Variants in ANKRD30B observed in about 807,000 individuals in gnomAD.
The protein encoded by ANKRD30B is ankyrin repeat domain 30B.
ANKRD30B carries 144 observed loss-of-function variants against 202.2 expected under a neutral mutation model. That is an observed-to-expected ratio of 0.71 (90% confidence interval 0.62 to 0.82). The LOEUF is 0.82. ANKRD30B is among the 40% of genes least tolerant of loss of function. The pLI, the probability that ANKRD30B is intolerant of heterozygous loss-of-function variation, is 0.00. For missense variants in ANKRD30B, 1,487 were observed against 1,669.1 expected (o/e 0.89, Z 1.90); for synonymous variants, 508 against 561.3 (o/e 0.91, Z 1.34).
At chr18:14,922,422 G>A in the ANKRD30B span, among the ~76,000 whole-genome samples, 1 of 152,056 alleles carries the variant, frequency 6.6e-6, no homozygotes, top group Non-Finnish European at 1.5e-5. Context: ...TTGGGAGGCC[G>A]AGGCAGGTGG....
At chr18:14,831,484 T>A in intron 34 of ANKRD30B, 29 bp downstream of exon 34, 1 of 1,284,130 alleles carries the variant, frequency 7.8e-7, no homozygotes, top group Non-Finnish European at 1.1e-6. Context: ...AAATTGATTT[T>A]CTCAGTTGGA....
chr18:14,860,125 TG>T, the ANKRD30B span, among the ~76,000 whole-genome samples: 1 of 108,432 alleles, frequency 9.2e-6, no homozygotes, highest in South Asian at 3.3e-4. Context: ...ATGGGGCGGC[TG>T]GGCAGAGGCG....
chr18:14,830,520 G>T (rs1263254703), intron 33 of ANKRD30B, among the ~76,000 whole-genome samples: 1 of 152,128 alleles, frequency 6.6e-6, no homozygotes, highest in Non-Finnish European at 1.5e-5. Flanking sequence ...CTCTTGTAGC[G>T]TTTTAGGGTG....
chr18:14,791,490 A>T lies in ANKRD30B; in HGVS notation c.1824A>T (p.Glu608Asp). ...KEFDTLSGKL[E>D]ESPVKDGLLK... is the part of the protein sequence containing the mutation. ...TCGATACCTTAAGTGGAAAATTAGA[A>T]GGTAAGAACCATTTTTTAATTAAAA... Residue 608 changes from glutamate (E) to aspartate (D), a missense_variant and splice_region_variant, in exon 16 of 44, where the codon GAA becomes GAT. Glu to Asp is a conservative substitution (Grantham distance 45, BLOSUM62 2). Around this residue, in one of 6 missense-constraint regions of ANKRD30B, gnomAD observed 889 missense variants for 841.4 expected, o/e 1.06. Coordinates refer to ENST00000690538, the MANE Select transcript of ANKRD30B (RefSeq NM_001367607.2). The T allele has an allele frequency of 6.2e-7, 1 of 1,604,326 alleles. No individual in the cohort carries two copies. The highest frequency in any genetic ancestry group is 8.5e-7 in the Non-Finnish European group (1 of 1,175,548).
At chr18:14,856,143 C>G (rs547293785), downstream of ANKRD30B, among the ~76,000 whole-genome samples, 7 of 145,520 alleles carry the variant, frequency 4.8e-5, no homozygotes, top group South Asian at 1.5e-3. Flanking sequence ...GTGCTCCTCA[C>G]TTCCCAGATG....
At chr18:14,916,806 C>A in the ANKRD30B span, among the ~76,000 whole-genome samples, 1 of 152,166 alleles carries the variant, frequency 6.6e-6, no homozygotes, top group Non-Finnish European at 1.5e-5. Context: ...TGTTACTTGA[C>A]CCTGGCTCCT....
intron 16 of ANKRD30B, among the ~76,000 whole-genome samples, chr18:14,793,849 T>G (rs1432936350): frequency 2.6e-5 from 4 of 151,418 alleles, no homozygotes; most frequent in African/African-American, 9.7e-5. Context: ...TGCCGAGATC[T>G]CAACACTGCA....
At chr18:14,927,522 A>G in the ANKRD30B span, among the ~76,000 whole-genome samples, 1 of 152,234 alleles carries the variant, frequency 6.6e-6, no homozygotes, top group South Asian at 2.1e-4. Context: ...CATGGACAGC[A>G]CAGGAGGCCA....
the ANKRD30B span, among the ~76,000 whole-genome samples, chr18:14,874,990 G>A: frequency 1.3e-5 from 2 of 152,202 alleles, no homozygotes; most frequent in South Asian, 2.1e-4. Context: ...CAGGCTGCAC[G>A]TGTGTGTAAC....
the ANKRD30B span, among the ~76,000 whole-genome samples, chr18:14,871,061 A>ACCCG: frequency 2.7e-5 from 1 of 37,490 alleles, no homozygotes; most frequent in African/African-American, 1.2e-4. Context: ...ACCCCCACCC[A>ACCCG]CACACCCCCA....
chr18:14,909,882 C>A, the ANKRD30B span: 1 of 151,918 alleles, frequency 6.6e-6, no homozygotes, highest in Non-Finnish European at 1.5e-5. Context: ...TCCAGCAGGT[C>A]AAGCAGTACC....
intron 15 of ANKRD30B, 46 bp from the exon 16 acceptor site, chr18:14,791,355 C>T: frequency 1.3e-6 from 2 of 1,491,990 alleles, no homozygotes; most frequent in Non-Finnish European, 9.2e-7. Context: ...CTCTTCATTA[C>T]TAGGATTTTT....
At chr18:14,777,537 C>T (rs1358163419) in intron 9 of ANKRD30B, among the ~76,000 whole-genome samples, 1 of 151,858 alleles carries the variant, frequency 6.6e-6, no homozygotes, top group South Asian at 2.1e-4. Context: ...ACCTCGTGAT[C>T]CCCCCACCTT....
intron 10 of ANKRD30B, 118 bp downstream of exon 10, chr18:14,778,193 C>T (rs1967503046): frequency 4.4e-6 from 3 of 681,916 alleles, no homozygotes; most frequent in Non-Finnish European, 7.6e-6. Context: ...CACGGAAGAA[C>T]AAAGGCAGTG....
chr18:14,920,720 G>A, the ANKRD30B span, among the ~76,000 whole-genome samples: 1 of 152,220 alleles, frequency 6.6e-6, no homozygotes, highest in Non-Finnish European at 1.5e-5. Context: ...CCCCTGCAAT[G>A]CACACCACTT....
At chr18:14,791,366 T>A in intron 15 of ANKRD30B, 35 bp from the exon 16 acceptor site, 1 of 1,532,012 alleles carries the variant, frequency 6.5e-7, no homozygotes, top group Non-Finnish European at 8.9e-7. Flanking sequence ...TAGGATTTTT[T>A]CATTGAAATT....
At chr18:14,835,180 T>C (rs1318265715) in intron 34 of ANKRD30B, among the ~76,000 whole-genome samples, 1 of 151,858 alleles carries the variant, frequency 6.6e-6, no homozygotes, top group Non-Finnish European at 1.5e-5. Flanking sequence ...AAGAGAAGAA[T>C]CACTTTTAAG....
At chr18:14,895,265 C>T in the ANKRD30B span, among the ~76,000 whole-genome samples, 2 of 151,138 alleles carry the variant, frequency 1.3e-5, no homozygotes, top group Admixed American at 1.3e-4. Context: ...TGCACATGTA[C>T]CCCCTGAATC....
chr18:14,830,017 G>GT (rs1970833356), intron 33 of ANKRD30B: 1 of 152,840 alleles, frequency 6.5e-6, no homozygotes. Flanking sequence ...CTTCAGTTGG[G>GT]TTTTTGGTAA....
Sources: allele counts gnomAD v4.1 joint callset (sites outside exome capture counted in the v4.1 genomes callset), GRCh38; gene constraint gnomAD v4.1.1; regional missense constraint gnomAD v4.1.1; transcripts MANE v1.5; gene names NCBI Gene and HGNC (gene_info 2026-07-23, HGNC 2026-07-21).